Variants in GUCD1 observed in about 807,000 individuals in gnomAD.
GUCD1 encodes protein GUCD1.
Under a neutral mutation model 28.3 loss-of-function variants are expected in GUCD1, and 17 were observed. The ratio of observed to expected loss-of-function variants is 0.60; its 90% CI spans 0.41 to 0.90. The LOEUF (loss-of-function observed/expected upper bound fraction) is 0.90. GUCD1 is among the 40% of genes least tolerant of loss of function. The probability of loss-of-function intolerance (pLI) is 0.00; values close to 1 mark genes in which losing one functional copy is unlikely to be tolerated. For synonymous variants in GUCD1, 129 were observed against 123.3 expected (o/e 1.05, Z -0.30); for missense variants, 279 against 305.5 (o/e 0.91, Z 0.65).
chr22:24,544,339 G>C (rs1210391778), intron 4 of GUCD1, among the ~76,000 whole-genome samples: 1 of 151,970 alleles, frequency 6.6e-6, no homozygotes, highest in African/African-American at 2.4e-5. Flanking sequence ...CACGGGGAGA[G>C]CATTCAGCTC....
At position 24,554,983 on chromosome 22, in the gene GUCD1, C is replaced by T. The variant is rs766574574; in HGVS notation, c.9G>A (p.Thr3=). 5.2e-6 allele frequency: 8 copies of T among 1,551,422 alleles called. No homozygotes were observed. The highest frequency in any genetic ancestry group is 2.3e-5 in the South Asian group (2 of 85,606). The change falls in exon 1 of 6, where the codon ACG becomes ACA. Residue 3 remains threonine (T), a synonymous_variant. Transcript: ENST00000435822. ...GCGGCGGCCCCGCTGCCTCCGCCTC[C>T]GTCCTCATGACCCGGGCGGCGCGGG... MR[T]EAEAAGPPLE...
Position 24,542,633 on chromosome 22 carries a change from G to A in GUCD1, c.*373C>T, listed in dbSNP as rs527997684. On this transcript the variant is annotated 3_prime_UTR_variant, in exon 6 of 6. Coordinates refer to ENST00000435822, the MANE Select transcript of GUCD1 (RefSeq NM_001284254.2). ...CATACTGTCCTGACAAGTGGCATCC[G>A]TCAAGCAACTTCTCTCTCCAGGCTC... 18 of 258,522 alleles carry A rather than the reference G, an allele frequency of 7.0e-5. No individual in the cohort carries two copies. The East Asian group carries it at 1.2e-3, about 17-fold the overall frequency. 16.0% of individuals were successfully genotyped at this position (258,522 alleles called of 1,614,324 possible).
intron 4 of GUCD1, among the ~76,000 whole-genome samples, chr22:24,545,278 A>C (rs1194544754): frequency 6.6e-6 from 1 of 152,078 alleles, no homozygotes; most frequent in Non-Finnish European, 1.5e-5. Context: ...TTGGTCTTTG[A>C]AACAAAATAG....
intron 1 of GUCD1, among the ~76,000 whole-genome samples, chr22:24,550,523 T>C (rs1372567139): frequency 6.6e-6 from 1 of 152,192 alleles, no homozygotes; most frequent in Non-Finnish European, 1.5e-5. Context: ...TGTTACTCAC[T>C]CATGACACTC....
intron 4 of GUCD1, among the ~76,000 whole-genome samples, chr22:24,544,921 G>C (rs906195812): frequency 6.6e-6 from 1 of 152,082 alleles, no homozygotes; most frequent in Non-Finnish European, 1.5e-5. Flanking sequence ...TCGGGAGACT[G>C]AGGCAAGAAG....
rs752042232 is a variant in GUCD1 at position 24,543,884 on chromosome 22, C to A, written c.586G>T (p.Ala196Ser). 1.2e-6 allele frequency: 2 copies of A among 1,614,040 alleles called. No homozygotes were observed. The highest frequency in any genetic ancestry group is 8.5e-7 in the Non-Finnish European group (1 of 1,179,968). ...TTGTTGTAGAAGATGCAGCCAGTGGCCCGGTTGTAGCCACGCAGCACGATG... is the reference window on the plus strand; with the variant it reads ...TTGTTGTAGAAGATGCAGCCAGTGGACCGGTTGTAGCCACGCAGCACGATG... ...HFIVLRGYNR[A>S]TGCIFYNNPA... The change falls in exon 5 of 6, where the codon GCC (alanine) becomes TCC (serine). Residue 196 changes from alanine (A) to serine (S), a missense_variant. By Grantham distance (99) the Ala-to-Ser change is moderately conservative. Coordinates refer to ENST00000435822, the MANE Select transcript of GUCD1 (RefSeq NM_001284254.2).
upstream of GUCD1, chr22:24,555,480 GC>G: frequency 8.4e-7 from 1 of 1,194,382 alleles, no homozygotes; most frequent in Non-Finnish European, 1.2e-6. Flanking sequence ...CCCTGATCCC[GC>G]CCAGTGCATC....
intron 4 of GUCD1, among the ~76,000 whole-genome samples, chr22:24,545,764 C>T (rs2044709740): frequency 1.3e-5 from 2 of 151,080 alleles, no homozygotes; most frequent in South Asian, 2.1e-4. Context: ...CCACTGCGCC[C>T]AGCTAATTTT....
At chr22:24,555,831 C>G (rs1010710518), upstream of GUCD1, 4 of 1,544,366 alleles carry the variant, frequency 2.6e-6, no homozygotes, top group African/African-American at 2.7e-5. Flanking sequence ...GTCATCAGCC[C>G]TCTTTTCCGG....
Position 24,543,098 on chromosome 22 carries a change from C to T in GUCD1, c.629-1G>A, listed in dbSNP as rs1317907434. 6.2e-7 allele frequency: 1 copy of T among 1,613,294 alleles called. No individual in the cohort carries two copies. The highest frequency in any genetic ancestry group is 1.7e-5 in the Admixed American group (1 of 60,018). ...TTACTGATGCTGGTGCTGCACATTC[C>T]TGCTGGGGGTGGGGAAGGCAGAACG... On this transcript the variant is annotated splice_acceptor_variant, in intron 5 of 5. Transcript: ENST00000435822. LOFTEE classifies it high-confidence loss of function.
rs1435003272 is a variant in GUCD1 at position 24,541,922 on chromosome 22, TAAATCTC to T, written c.*1077_*1083del. 6.6e-6 allele frequency: 1 copy of T among 152,202 alleles called. No homozygotes were observed. The highest frequency in any genetic ancestry group is 1.5e-5 in the Non-Finnish European group (1 of 68,050). The allele number at this position is 152,202 out of a possible 1,614,324, so 9.4% of individuals were successfully genotyped here. On this transcript the variant is annotated 3_prime_UTR_variant, in exon 6 of 6. Transcript: ENST00000435822. ...TGATTACCCCTCAAAAATGAAAACT[TAAATCTC>T]AAAGAAACAACCCCTGACCCCAACC... is the stretch of plus-strand genomic sequence containing the variant.
chr22:24,546,536 G>A (rs1319277628), intron 4 of GUCD1, among the ~76,000 whole-genome samples: 2 of 152,190 alleles, frequency 1.3e-5, no homozygotes, highest in African/African-American at 2.4e-5. Flanking sequence ...GGTCCTCCCT[G>A]TTCCCCATCC....
At chr22:24,552,169 TG>T in intron 1 of GUCD1, among the ~76,000 whole-genome samples, 1 of 152,256 alleles carries the variant, frequency 6.6e-6, no homozygotes, top group East Asian at 1.9e-4. Flanking sequence ...TCCAGAACTG[TG>T]AAGAATTAAA....
intron 5 of GUCD1, 46 bp from the exon 6 acceptor site, chr22:24,543,143 G>T: frequency 7.3e-7 from 1 of 1,363,952 alleles, no homozygotes; most frequent in South Asian, 1.2e-5. Context: ...GGTTGTGAGA[G>T]AGCACCTACA....
chr22:24,553,107 G>A (rs896344790), intron 1 of GUCD1, among the ~76,000 whole-genome samples: 1 of 152,212 alleles, frequency 6.6e-6, no homozygotes, highest in Non-Finnish European at 1.5e-5. Flanking sequence ...GTGCTGTCAC[G>A]GTGAATGCCT....
upstream of GUCD1, chr22:24,555,659 T>C: frequency 6.4e-7 from 1 of 1,550,670 alleles, no homozygotes; most frequent in South Asian, 1.2e-5. Context: ...CGGGAAGTCC[T>C]GGCCCTTGGC....
intron 4 of GUCD1, among the ~76,000 whole-genome samples, chr22:24,545,036 A>G (rs1275040872): frequency 6.9e-6 from 1 of 145,064 alleles, no homozygotes; most frequent in Non-Finnish European, 1.5e-5. Context: ...AAAAAAAAAA[A>G]AGAAAAGAAA....
upstream of GUCD1, chr22:24,555,740 G>C (rs1256760622): frequency 6.4e-7 from 1 of 1,550,642 alleles, no homozygotes. Context: ...GCCTGTCCTT[G>C]GTGTGGGGTG....
Position 24,541,590 on chromosome 22 carries a change from C to T in GUCD1, c.*1416G>A, listed in dbSNP as rs1219839775. On this transcript the variant is annotated 3_prime_UTR_variant, in exon 6 of 6. Transcript: ENST00000435822. ...GTTGTAGTAAGCCAAGATCGTGCCACTGCACTCCAGTCTGGGCAACAGAGT... is the reference window on the plus strand; with the variant it reads ...GTTGTAGTAAGCCAAGATCGTGCCATTGCACTCCAGTCTGGGCAACAGAGT... The T allele has an allele frequency of 6.7e-6, 1 of 149,494 alleles. No homozygotes were observed. The highest frequency in any genetic ancestry group is 1.5e-5 in the Non-Finnish European group (1 of 67,816). 9.3% of individuals were successfully genotyped at this position (149,494 alleles called of 1,614,324 possible). A position where few individuals can be genotyped will look rare whatever the true frequency, so the allele number is the denominator to read the frequency against.
Sources: allele counts gnomAD v4.1 joint callset (sites outside exome capture counted in the v4.1 genomes callset), GRCh38; gene constraint gnomAD v4.1.1; transcripts MANE v1.5; gene names NCBI Gene and HGNC (gene_info 2026-07-23, HGNC 2026-07-21).